Variants in TRPC5 observed in about 807,000 individuals in gnomAD.
TRPC5 encodes transient receptor potential cation channel subfamily C member 5.
Under a neutral mutation model 56.5 loss-of-function variants are expected in TRPC5, and 9 were observed. The observed-to-expected ratio is 0.16, with a 90% confidence interval of 0.10 to 0.28. TRPC5 has a LOEUF of 0.28. Among genes scored for constraint, TRPC5 ranks in the 10% least tolerant of loss-of-function variants. The pLI, the probability that TRPC5 is intolerant of heterozygous loss-of-function variation, is 1.00. For missense variants in TRPC5, 469 were observed against 748.9 expected, an observed-to-expected ratio of 0.63 and a Z score of 4.36; for synonymous variants, 282 against 278.5, an observed-to-expected ratio of 1.01 and a Z score of -0.13.
intron 2 of TRPC5, among the ~76,000 whole-genome samples, chrX:111,915,984 G>C (rs1925964685): frequency 9.1e-6 from 1 of 109,989 alleles, no homozygotes; most frequent in African/African-American, 3.3e-5. Flanking sequence ...TATTAGCTAG[G>C]TGTGATGGCA....
intron 1 of TRPC5, among the ~76,000 whole-genome samples, chrX:112,020,053 G>C (rs1043193980): frequency 1.6e-4 from 18 of 111,546 alleles, no homozygotes; most frequent in Admixed American, 1.3e-3. Context: ...ATCTAACATT[G>C]AATATACTAG....
At chrX:112,077,752 G>A (rs146596858) in intron 1 of TRPC5, among the ~76,000 whole-genome samples, 274 of 112,176 alleles carry the variant, frequency 2.4e-3, no homozygotes, top group African/African-American at 8.7e-3. Flanking sequence ...AAATTAGGGT[G>A]GGATTAATGA....
intron 1 of TRPC5, among the ~76,000 whole-genome samples, chrX:111,986,384 T>C (rs1928212054): frequency 1.9e-5 from 2 of 106,160 alleles, no homozygotes; most frequent in Admixed American, 2.0e-4. Context: ...TTCTGTCTGT[T>C]GACAGAAAAC....
chrX:112,075,945 C>G (rs1388895965), intron 1 of TRPC5, among the ~76,000 whole-genome samples: 2 of 112,199 alleles, frequency 1.8e-5, no homozygotes, highest in African/African-American at 6.5e-5. Context: ...CTGCTGAAAC[C>G]TTGATTTTAG....
chrX:111,911,692 T>C (rs923588855), intron 3 of TRPC5, among the ~76,000 whole-genome samples: 3 of 112,348 alleles, frequency 2.7e-5, no homozygotes, highest in Admixed American at 9.4e-5. Context: ...GGTCATACCA[T>C]AGCAGATCCT....
intron 1 of TRPC5, among the ~76,000 whole-genome samples, chrX:112,036,707 G>C (rs1044259057): frequency 1.8e-5 from 2 of 111,608 alleles, no homozygotes; most frequent in African/African-American, 6.5e-5. Context: ...GGAGCAATGG[G>C]AGTTTGGAGC....
intron 1 of TRPC5, among the ~76,000 whole-genome samples, chrX:112,047,492 A>G (rs1930073660): frequency 9.0e-6 from 1 of 111,579 alleles, no homozygotes; most frequent in African/African-American, 3.3e-5. Flanking sequence ...CCATTGCCCT[A>G]GCTTTATGCT....
intron 3 of TRPC5, among the ~76,000 whole-genome samples, chrX:111,877,362 T>A (rs1233234891): frequency 9.0e-6 from 1 of 111,454 alleles, no homozygotes; most frequent in Non-Finnish European, 1.9e-5. Flanking sequence ...TGAGGAAGAA[T>A]GGGTTTGGAA....
At chrX:111,849,083 CTT>C (rs1923011309) in intron 5 of TRPC5, among the ~76,000 whole-genome samples, 1 of 112,253 alleles carries the variant, frequency 8.9e-6, no homozygotes, top group African/African-American at 3.2e-5. Flanking sequence ...AAGATAGTCT[CTT>C]TGCTGATAAC....
chrX:111,778,910 G>A, intron 10 of TRPC5, 75 bp downstream of exon 10: 3 of 730,342 alleles, frequency 4.1e-6, no homozygotes, highest in Non-Finnish European at 6.0e-6. Flanking sequence ...TCCATCACCA[G>A]AAACCTCACA....
At chrX:111,829,834 A>G (rs1432644234) in intron 7 of TRPC5, among the ~76,000 whole-genome samples, 1 of 113,371 alleles carries the variant, frequency 8.8e-6, no homozygotes, top group Admixed American at 9.2e-5. Context: ...ATCCTCTGCT[A>G]GGGCAGTGCA....
chrX:111,885,919 G>A (rs1924469301), intron 3 of TRPC5, among the ~76,000 whole-genome samples: 1 of 111,562 alleles, frequency 9.0e-6, no homozygotes, highest in African/African-American at 3.3e-5. Flanking sequence ...GTGAACTAAG[G>A]CAAGAAAACT....
At chrX:111,915,622 A>G (rs1925952292) in intron 2 of TRPC5, among the ~76,000 whole-genome samples, 1 of 111,628 alleles carries the variant, frequency 9.0e-6, no homozygotes, top group African/African-American at 3.3e-5. Context: ...CACTTTTCTG[A>G]TGCTGTCTTA....
Position 111,771,113 on chromosome X carries a change from G to C in TRPC5, c.*5200C>G, listed in dbSNP as rs1042070735. Among the ~76,000 whole-genome samples, 1 of 111,507 alleles carries C rather than the reference G, an allele frequency of 9.0e-6. No individual in the cohort carries two copies. The highest frequency in any genetic ancestry group is 1.9e-5 in the Non-Finnish European group (1 of 53,065). On this transcript the variant is annotated 3_prime_UTR_variant, in exon 11 of 11. Coordinates refer to ENST00000262839, the MANE Select transcript of TRPC5 (RefSeq NM_012471.3). The stretch of plus-strand genomic sequence containing the variant: ...TGGAGTTATAAAGAAAGTTCTTTGA[G>C]GGGGAGGAGGGTAGGACAGATACAT...
intron 1 of TRPC5, among the ~76,000 whole-genome samples, chrX:112,042,505 T>G (rs1180511673): frequency 9.0e-6 from 1 of 111,522 alleles, no homozygotes; most frequent in African/African-American, 3.3e-5. Context: ...CCATGCCAAA[T>G]AGAACTCATC....
At chrX:112,035,644 T>G (rs1929716607) in intron 1 of TRPC5, among the ~76,000 whole-genome samples, 1 of 109,843 alleles carries the variant, frequency 9.1e-6, no homozygotes, top group Admixed American at 9.8e-5. Flanking sequence ...TATTTATTTA[T>G]TTTTTGAGAT....
At chrX:112,029,747 A>G (rs754878764) in intron 1 of TRPC5, among the ~76,000 whole-genome samples, 3 of 111,824 alleles carry the variant, frequency 2.7e-5, no homozygotes, top group African/African-American at 6.5e-5. Context: ...GTAGCTATAT[A>G]ACCCAAAGTA....
At chrX:112,043,046 A>G (rs1337501582) in intron 1 of TRPC5, among the ~76,000 whole-genome samples, 1 of 112,080 alleles carries the variant, frequency 8.9e-6, no homozygotes, top group Non-Finnish European at 1.9e-5. Flanking sequence ...TCTTTTGAAT[A>G]TGAACTTATG....
rs930414389 is a variant in TRPC5 at position 111,957,419 on chromosome X, C to T, written c.-21-4978G>A. Among the ~76,000 whole-genome samples the T allele has an allele frequency of 9.8e-5, 11 of 112,015 alleles. No homozygotes were observed. In the South Asian group the frequency reaches 1.9e-3, roughly 19 times the overall value. ...GTAAGACTCAACACTTATTCTGTGC[C>T]GGATACTGTGTGTGCTAAATGTTTT... On this transcript the variant is annotated intron_variant, in intron 1 of 10. Coordinates refer to ENST00000262839, the MANE Select transcript of TRPC5 (RefSeq NM_012471.3).
Sources: allele counts gnomAD v4.1 joint callset (sites outside exome capture counted in the v4.1 genomes callset), GRCh38; gene constraint gnomAD v4.1.1; transcripts MANE v1.5; gene names NCBI Gene and HGNC (gene_info 2026-07-23, HGNC 2026-07-21).